Variants in PRKCB observed in about 807,000 individuals in gnomAD.
PRKCB encodes the protein protein kinase C beta type.
PRKCB carries 13 observed loss-of-function variants against 81.5 expected under a neutral mutation model. That is an observed-to-expected ratio of 0.16 (90% confidence interval 0.10 to 0.25). The LOEUF is 0.25. Among genes scored for constraint, PRKCB ranks in the 10% least tolerant of loss-of-function variants. The pLI, the probability that PRKCB is intolerant of heterozygous loss-of-function variation, is 1.00. For synonymous variants in PRKCB, 335 were observed against 321.4 expected, an observed-to-expected ratio of 1.04 and a Z score of -0.45; for missense variants, 509 against 875.7, an observed-to-expected ratio of 0.58 and a Z score of 5.29.
intron 9 of PRKCB, among the ~76,000 whole-genome samples, chr16:24,143,442 C>A (rs1405640673): frequency 6.6e-6 from 1 of 152,030 alleles, no homozygotes; most frequent in Non-Finnish European, 1.5e-5. Context: ...GAGATAGGAT[C>A]TTAAGACAGA....
At chr16:23,963,815 T>C (rs986548801) in intron 2 of PRKCB, 1 of 152,218 alleles carries the variant, frequency 6.6e-6, no homozygotes, top group African/African-American at 2.4e-5. Flanking sequence ...TCTCATTTTG[T>C]CTCCGGTAAG....
At chr16:24,055,677 C>T (rs1463447446) in intron 5 of PRKCB, among the ~76,000 whole-genome samples, 1 of 152,170 alleles carries the variant, frequency 6.6e-6, no homozygotes, top group Non-Finnish European at 1.5e-5. Context: ...GAAAAGTGAA[C>T]CAATCTGAAA....
At chr16:23,958,744 C>G (rs558176761) in intron 2 of PRKCB, among the ~76,000 whole-genome samples, 5 of 148,698 alleles carry the variant, frequency 3.4e-5, no homozygotes, top group African/African-American at 1.2e-4. Context: ...CTCCCCCACT[C>G]CCTTCCACCC....
intron 2 of PRKCB, among the ~76,000 whole-genome samples, chr16:23,845,165 A>G (rs1597206260): frequency 6.6e-6 from 1 of 152,220 alleles, no homozygotes; most frequent in South Asian, 2.1e-4. Context: ...GACAGAATAC[A>G]ATGGTGAATG....
chr16:24,058,219 T>A (rs1965928978), intron 5 of PRKCB, among the ~76,000 whole-genome samples: 1 of 152,142 alleles, frequency 6.6e-6, no homozygotes, highest in African/African-American at 2.4e-5. Context: ...CTGAGTCTTA[T>A]CTGAAGAAAC....
At chr16:23,979,946 A>G (rs1964673299) in intron 2 of PRKCB, among the ~76,000 whole-genome samples, 1 of 152,158 alleles carries the variant, frequency 6.6e-6, no homozygotes, top group Admixed American at 6.5e-5. Flanking sequence ...TTAGCCAGGC[A>G]TGGTGATGCA....
At chr16:24,108,327 TATTTTATTTTTTTTTAA>T (rs1465591660) in intron 7 of PRKCB, among the ~76,000 whole-genome samples, 8 of 147,398 alleles carry the variant, frequency 5.4e-5, no homozygotes, top group African/African-American at 2.0e-4. Context: ...TTTTATTTTT[TATTTTATTTTTTTTTAA>T]ATTTATTTAT....
At chr16:24,055,413 C>A (rs1461765709) in intron 5 of PRKCB, among the ~76,000 whole-genome samples, 2 of 152,214 alleles carry the variant, frequency 1.3e-5, no homozygotes, top group Non-Finnish European at 1.5e-5. Context: ...GTTCCTCCTC[C>A]CCTGACGAGC....
chr16:24,135,310 C>CTTTTTTTTTTTT (rs33975464), intron 9 of PRKCB, among the ~76,000 whole-genome samples: 2 of 112,276 alleles, frequency 1.8e-5, no homozygotes, highest in African/African-American at 3.5e-5. Context: ...CTCAGTGTCC[C>CTTTTTTTTTTTT]TTTTTTTTTT....
At chr16:24,184,965 C>G (rs1260442065) in intron 13 of PRKCB, 146 bp from the exon 14 acceptor site, 1 of 720,642 alleles carries the variant, frequency 1.4e-6, no homozygotes, top group African/African-American at 1.8e-5. Flanking sequence ...GGTGCCTCTG[C>G]AAAGCATGTC....
At chr16:24,002,721 C>T (rs1313521492) in intron 3 of PRKCB, among the ~76,000 whole-genome samples, 3 of 152,172 alleles carry the variant, frequency 2.0e-5, no homozygotes, top group Non-Finnish European at 4.4e-5. Flanking sequence ...CAAACTTCAT[C>T]TCTGGATGGG....
intron 5 of PRKCB, among the ~76,000 whole-genome samples, chr16:24,038,359 T>C (rs1369818990): frequency 6.6e-6 from 1 of 152,254 alleles, no homozygotes; most frequent in Non-Finnish European, 1.5e-5. Context: ...TTCTTTGGGA[T>C]GTTCAGAGCA....
chr16:24,103,497 G>A (rs1966535272), intron 7 of PRKCB, among the ~76,000 whole-genome samples: 2 of 152,134 alleles, frequency 1.3e-5, no homozygotes, highest in Non-Finnish European at 2.9e-5. Context: ...GGACTTGCAA[G>A]AAAAAGATTA....
chr16:23,867,715 C>T (rs1430926498), intron 2 of PRKCB, among the ~76,000 whole-genome samples: 3 of 152,110 alleles, frequency 2.0e-5, no homozygotes, highest in Non-Finnish European at 4.4e-5. Context: ...GTTCATTATT[C>T]CCACTTTAAG....
chr16:23,977,842 T>C (rs1964645740), intron 2 of PRKCB, among the ~76,000 whole-genome samples: 1 of 152,004 alleles, frequency 6.6e-6, no homozygotes, highest in Admixed American at 6.6e-5. Context: ...ACACAAACCA[T>C]CTCCCTGCCC....
intron 2 of PRKCB, among the ~76,000 whole-genome samples, chr16:23,980,723 C>T (rs1316293867): frequency 1.3e-5 from 2 of 151,952 alleles, no homozygotes; most frequent in Non-Finnish European, 2.9e-5. Context: ...GTAAAGGTTG[C>T]TTCCTAAGAA....
chr16:24,032,325 C>G, intron 4 of PRKCB, 78 bp downstream of exon 4: 1 of 991,220 alleles, frequency 1.0e-6, no homozygotes, highest in Non-Finnish European at 1.5e-6. Context: ...GGTTTGGGGT[C>G]CAGGTCTGCC....
At position 24,141,307 on chromosome 16, in the gene PRKCB, G is replaced by A. The variant is rs1966898460; in HGVS notation, c.1066-13377G>A. On this transcript the variant is annotated intron_variant, in intron 9 of 16. Transcript: ENST00000643927. The stretch of plus-strand genomic sequence containing the variant: ...CCTCCCAGGTTCAAGTGATTCTCCT[G>A]CCTCAGCCTCCCAAGTAGCTGGGAT... Among the ~76,000 whole-genome samples, 4 of 152,140 alleles carry A rather than the reference G, an allele frequency of 2.6e-5. No homozygotes were observed. In the South Asian group the frequency reaches 8.3e-4, roughly 32 times the overall value.
At chr16:24,012,562 G>C (rs1223012138) in intron 3 of PRKCB, among the ~76,000 whole-genome samples, 1 of 152,236 alleles carries the variant, frequency 6.6e-6, no homozygotes, top group Non-Finnish European at 1.5e-5. Context: ...ATGTGATCAT[G>C]TCATCCTCTT....
Sources: gnomAD v4.1 joint callset for allele counts (sites outside exome capture counted in the v4.1 genomes callset) on GRCh38, gnomAD v4.1.1 for gene constraint, MANE v1.5 for transcripts, NCBI Gene and HGNC (gene_info 2026-07-23, HGNC 2026-07-21) for gene names.